NSUN3: variants seen among roughly 807,000 people sequenced by gnomAD.
The protein encoded by NSUN3 is NOP2/Sun RNA methyltransferase 3, also known as tRNA (cytosine(34)-C(5))-methyltransferase, mitochondrial.
Under a neutral mutation model 36.8 loss-of-function variants are expected in NSUN3, and 24 were observed. The observed-to-expected ratio is 0.65, with a 90% CI of 0.47 to 0.92. The LOEUF (loss-of-function observed/expected upper bound fraction) is 0.92. NSUN3 is among the 40% of genes least tolerant of loss of function. The probability of loss-of-function intolerance (pLI) is 0.00; values close to 1 mark genes in which losing one functional copy is unlikely to be tolerated. For synonymous variants in NSUN3, 146 were observed against 145.2 expected (o/e 1.01, Z -0.04); for missense variants, 381 against 392.8 (o/e 0.97, Z 0.25).
intron 2 of NSUN3, among the ~76,000 whole-genome samples, chr3:94,067,085 C>T (rs1430459249): frequency 6.6e-6 from 1 of 152,128 alleles, no homozygotes; most frequent in Non-Finnish European, 1.5e-5. Flanking sequence ...GGTGTCAACT[C>T]AACATCCAGA....
chr3:94,120,392 A>G (rs2077456424), intron 5 of NSUN3, among the ~76,000 whole-genome samples: 2 of 152,196 alleles, frequency 1.3e-5, no homozygotes, highest in African/African-American at 4.8e-5. Context: ...TCAAAACTGA[A>G]AGTCGATATC....
intron 5 of NSUN3, among the ~76,000 whole-genome samples, chr3:94,120,865 G>A (rs1399324048): frequency 6.6e-6 from 1 of 152,082 alleles, no homozygotes; most frequent in Non-Finnish European, 1.5e-5. Context: ...TTTCCATAGT[G>A]GCTATACCAT....
At chr3:94,112,096 G>A (rs1253263737) in intron 5 of NSUN3, among the ~76,000 whole-genome samples, 1 of 152,142 alleles carries the variant, frequency 6.6e-6, no homozygotes, top group Non-Finnish European at 1.5e-5. Flanking sequence ...TCTTGTTCCA[G>A]GGAGGTCAGT....
At chr3:94,065,430 G>A (rs1274478978) in intron 2 of NSUN3, among the ~76,000 whole-genome samples, 1 of 152,110 alleles carries the variant, frequency 6.6e-6, no homozygotes, top group Non-Finnish European at 1.5e-5. Context: ...ATGAAGTTAG[G>A]GCAAAAGCCC....
At chr3:94,080,451 G>A (rs141716508) in intron 2 of NSUN3, among the ~76,000 whole-genome samples, 4 of 152,330 alleles carry the variant, frequency 2.6e-5, no homozygotes, top group South Asian at 2.1e-4. Context: ...TGGGAGGTCC[G>A]CTGCTCTCTT....
rs1467249086 is a variant in NSUN3, at chr3:94,094,074, G to T, written c.467-66G>T. ...GTTAATTTCTTTCTGAAATTTATTT[G>T]CTGAAAAGTAGAAATTTAACAGTTC... On this transcript the variant is annotated intron_variant, in intron 3 of 5. Transcript: ENST00000314622. 6 of 1,168,402 alleles carry T rather than the reference G, an allele frequency of 5.1e-6. No individual in the cohort carries two copies. The African/African-American group carries it at 6.2e-5, about 12-fold the overall frequency. The allele number at this position is 1,168,402 out of a possible 1,614,324, so 72.4% of individuals were successfully genotyped here.
At chr3:94,086,711 T>C (rs1378733073) in intron 3 of NSUN3, among the ~76,000 whole-genome samples, 3 of 152,268 alleles carry the variant, frequency 2.0e-5, no homozygotes, top group Admixed American at 2.0e-4. Flanking sequence ...AAGCTTGCTG[T>C]ATTTTAAAAT....
intron 5 of NSUN3, among the ~76,000 whole-genome samples, chr3:94,121,572 G>T (rs1029405436): frequency 7.2e-4 from 110 of 152,242 alleles, no homozygotes; most frequent in African/African-American, 2.5e-3. Flanking sequence ...CACATCTCCA[G>T]CATCTAGATA....
chr3:94,095,815 C>T (rs761287739), intron 5 of NSUN3, among the ~76,000 whole-genome samples: 4 of 152,012 alleles, frequency 2.6e-5, no homozygotes, highest in Non-Finnish European at 5.9e-5. Flanking sequence ...GGTGCAATCT[C>T]GGCTCACTGC....
intron 5 of NSUN3, among the ~76,000 whole-genome samples, chr3:94,101,717 C>A (rs1044224448): frequency 1.3e-5 from 2 of 152,124 alleles, no homozygotes; most frequent in Non-Finnish European, 2.9e-5. Flanking sequence ...ATTATCATTT[C>A]TCAAAATAAT....
intron 2 of NSUN3, chr3:94,075,766 G>T: frequency 2.7e-6 from 2 of 748,748 alleles, no homozygotes; most frequent in Non-Finnish European, 3.8e-6. Context: ...AACACCCACT[G>T]TTTGGGCTAA....
chr3:94,072,887 G>A (rs2077229851), intron 2 of NSUN3, among the ~76,000 whole-genome samples: 1 of 151,824 alleles, frequency 6.6e-6, no homozygotes, highest in Non-Finnish European at 1.5e-5. Context: ...CCATGCCATG[G>A]TGGTTTGCTG....
At chr3:94,091,732 G>A (rs1417676640) in intron 3 of NSUN3, among the ~76,000 whole-genome samples, 3 of 152,202 alleles carry the variant, frequency 2.0e-5, no homozygotes, top group Non-Finnish European at 4.4e-5. Flanking sequence ...TAGAAAAAGA[G>A]GAAAGTTGAA....
At chr3:94,093,214 T>TA (rs1259224803) in intron 3 of NSUN3, among the ~76,000 whole-genome samples, 1 of 151,840 alleles carries the variant, frequency 6.6e-6, no homozygotes, top group Non-Finnish European at 1.5e-5. Context: ...TTTTTTTTTT[T>TA]ACTTTTTAAC....
At chr3:94,075,892 A>G (rs1016842486) in intron 2 of NSUN3, 9 of 1,316,060 alleles carry the variant, frequency 6.8e-6, no homozygotes, top group South Asian at 3.5e-5. Context: ...TAAAATCACA[A>G]GAAGTAAAGA....
intron 5 of NSUN3, among the ~76,000 whole-genome samples, chr3:94,103,907 G>T (rs375464146): frequency 1.3e-5 from 2 of 151,826 alleles, no homozygotes; most frequent in African/African-American, 2.4e-5. Context: ...GATTTCCAGG[G>T]GGATACTCCT....
intron 5 of NSUN3, among the ~76,000 whole-genome samples, chr3:94,105,771 T>A (rs2077386363): frequency 6.6e-6 from 1 of 152,114 alleles, no homozygotes; most frequent in East Asian, 1.9e-4. Flanking sequence ...ACACACGGTT[T>A]GAATAAACCC....
chr3:94,097,775 T>C (rs1429086862), intron 5 of NSUN3, among the ~76,000 whole-genome samples: 2 of 152,192 alleles, frequency 1.3e-5, no homozygotes, highest in Non-Finnish European at 2.9e-5. Context: ...TTCTCAGTTA[T>C]GCCTTCTTCA....
intron 3 of NSUN3, among the ~76,000 whole-genome samples, chr3:94,088,774 G>A (rs2077303164): frequency 6.6e-6 from 1 of 151,060 alleles, no homozygotes; most frequent in African/African-American, 2.4e-5. Context: ...CTTGGTTCAA[G>A]CAATTCTCAT....
Sources: gnomAD v4.1 joint callset for allele counts (sites outside exome capture counted in the v4.1 genomes callset) on GRCh38, gnomAD v4.1.1 for gene constraint, MANE v1.5 for transcripts, NCBI Gene and HGNC (gene_info 2026-07-23, HGNC 2026-07-21) for gene names.